Variants in CAMKK2 observed in about 807,000 individuals in gnomAD.
The protein encoded by CAMKK2 is calcium/calmodulin-dependent protein kinase kinase 2.
Under a neutral mutation model 67.2 loss-of-function variants are expected in CAMKK2, and 30 were observed. The ratio of observed to expected loss-of-function variants is 0.45; its 90% CI spans 0.33 to 0.61. The LOEUF (loss-of-function observed/expected upper bound fraction) is 0.61. Among genes scored for constraint, CAMKK2 ranks in the 20% least tolerant of loss-of-function variants. The probability of loss-of-function intolerance (pLI) is 0.02; values close to 1 mark genes in which losing one functional copy is unlikely to be tolerated. For synonymous variants in CAMKK2, 322 were observed against 326.2 expected, an observed-to-expected ratio of 0.99 and a Z score of 0.14; for missense variants, 643 against 802.0, an observed-to-expected ratio of 0.80 and a Z score of 2.39.
At chr12:121,250,183 C>T (rs1206193747) in intron 11 of CAMKK2, 149 bp from the exon 12 acceptor site, 8 of 680,240 alleles carry the variant, frequency 1.2e-5, no homozygotes, top group South Asian at 8.5e-5. Context: ...CCATTCTCCC[C>T]GAGAATGGCC....
chr12:121,294,604 C>T (rs1390800891), intron 1 of CAMKK2, among the ~76,000 whole-genome samples: 1 of 152,154 alleles, frequency 6.6e-6, no homozygotes, highest in Non-Finnish European at 1.5e-5. Context: ...TGAACAGGTG[C>T]ACAAAGGTTC....
chr12:121,249,513 G>C (rs990741721), intron 13 of CAMKK2, among the ~76,000 whole-genome samples: 3 of 152,036 alleles, frequency 2.0e-5, no homozygotes, highest in Non-Finnish European at 4.4e-5. Flanking sequence ...GCCCCATGCC[G>C]GTCTGCAGAG....
At chr12:121,269,823 C>A in intron 3 of CAMKK2, 2 of 416,134 alleles carry the variant, frequency 4.8e-6, no homozygotes, top group Admixed American at 3.6e-5. Context: ...CCGAGGCAGG[C>A]GGATCACTTG....
At chr12:121,271,051 G>A (rs1016337771) in intron 2 of CAMKK2, 106 bp from the exon 3 acceptor site, 7 of 819,210 alleles carry the variant, frequency 8.5e-6, no homozygotes, top group Non-Finnish European at 1.5e-5. Flanking sequence ...AAGGTGGGAG[G>A]ATCACTTGAG....
At chr12:121,248,037 G>C (rs1408544532) in intron 14 of CAMKK2, among the ~76,000 whole-genome samples, 4 of 152,194 alleles carry the variant, frequency 2.6e-5, no homozygotes. Context: ...GATTCCCAGA[G>C]CCTCCAAGGT....
chr12:121,257,231 C>T (rs747429085), intron 7 of CAMKK2, among the ~76,000 whole-genome samples: 3 of 150,898 alleles, frequency 2.0e-5, no homozygotes, highest in Non-Finnish European at 2.9e-5. Flanking sequence ...TACCATGTAC[C>T]CACAAAAATT....
At chr12:121,288,376 C>T (rs1899219993) in intron 1 of CAMKK2, among the ~76,000 whole-genome samples, 1 of 152,156 alleles carries the variant, frequency 6.6e-6, no homozygotes, top group African/African-American at 2.4e-5. Context: ...AGCTGCAAGC[C>T]TCCTCAGCTG....
chr12:121,296,000 A>G (rs1901085950), intron 1 of CAMKK2, among the ~76,000 whole-genome samples: 1 of 152,172 alleles, frequency 6.6e-6, no homozygotes, highest in African/African-American at 2.4e-5. Flanking sequence ...CATTCACAGC[A>G]TACTGCAACC....
Position 121,240,678 on chromosome 12 carries a change from G to T in CAMKK2, c.*21C>A. 6.3e-7 allele frequency: 1 copy of T among 1,576,240 alleles called. No individual in the cohort carries two copies. ...CCCAGAGGCGACGCGGCGCGCATGCGAGGTCGAGCGATCCAGGCAGCTACT... is the reference window on the plus strand; with the variant it reads ...CCCAGAGGCGACGCGGCGCGCATGCTAGGTCGAGCGATCCAGGCAGCTACT... On this transcript the variant is annotated 3_prime_UTR_variant, in exon 17 of 17. Transcript: ENST00000404169. This position sits in a 1 kb window ranked among gnomAD's most constrained non-coding sequence, Gnocchi z 4.4.
Position 121,240,476 on chromosome 12 carries a change from G to A in CAMKK2, c.*223C>T, listed in dbSNP as rs779102935. ...TTTGGGTCTGCAACTCCTCACACCC[G>A]CCTGTCCAGCCAGCCAGCGGCCACG... On this transcript the variant is annotated 3_prime_UTR_variant, in exon 17 of 17. Coordinates refer to ENST00000404169, the MANE Select transcript of CAMKK2 (RefSeq NM_001270485.2). This position sits in a 1 kb window ranked among gnomAD's most constrained non-coding sequence, Gnocchi z 4.4. 3.9e-6 allele frequency: 6 copies of A among 1,534,972 alleles called. No individual in the cohort carries two copies. The highest frequency in any genetic ancestry group is 1.4e-5 in the African/African-American group (1 of 72,662).
At chr12:121,261,427 A>C (rs961740253) in intron 6 of CAMKK2, among the ~76,000 whole-genome samples, 4 of 152,124 alleles carry the variant, frequency 2.6e-5, no homozygotes, top group Non-Finnish European at 5.9e-5. Context: ...TGCAACTGCT[A>C]TCTCTCTTCT....
chr12:121,265,327 G>C (rs139105100), intron 5 of CAMKK2, among the ~76,000 whole-genome samples: 22 of 151,616 alleles, frequency 1.5e-4, no homozygotes, highest in Admixed American at 5.9e-4. Context: ...GGGGAGGTGG[G>C]AGACACGCGT....
chr12:121,281,227 A>C (rs911713670), intron 1 of CAMKK2, among the ~76,000 whole-genome samples: 2 of 152,278 alleles, frequency 1.3e-5, no homozygotes, highest in African/African-American at 2.4e-5. Context: ...CAGGAAACAC[A>C]TTCTCATTTC....
Position 121,268,618 on chromosome 12 carries a change from C to G in CAMKK2, c.625+20G>C. 6.2e-7 allele frequency: 1 copy of G among 1,613,552 alleles called. No homozygotes were observed. Among genetic ancestry groups the G allele is most frequent in the Non-Finnish European group, 8.5e-7 (1 of 1,179,512 alleles). ...TTGTCCCAGCCCCTGTACCTAACAA[C>G]AAAGGCCCGCCAAACTCACGTGGAA... is the stretch of plus-strand genomic sequence containing the variant. On this transcript the variant is annotated intron_variant, in intron 5 of 16. Transcript: ENST00000404169.
At chr12:121,250,299 G>A (rs1339804730) in intron 11 of CAMKK2, among the ~76,000 whole-genome samples, 1 of 152,150 alleles carries the variant, frequency 6.6e-6, no homozygotes, top group Non-Finnish European at 1.5e-5. Context: ...CTCTGTAGCT[G>A]GGCCTCAGTT....
intron 13 of CAMKK2, among the ~76,000 whole-genome samples, chr12:121,249,164 G>C (rs1277808668): frequency 6.6e-6 from 1 of 152,204 alleles, no homozygotes; most frequent in Non-Finnish European, 1.5e-5. Context: ...GATCAGGAGA[G>C]GACCCAGGCA....
chr12:121,282,380 A>C (rs1028582693), intron 1 of CAMKK2, among the ~76,000 whole-genome samples: 7 of 152,108 alleles, frequency 4.6e-5, no homozygotes, highest in African/African-American at 1.7e-4. Flanking sequence ...TGTCCCCCAA[A>C]AATGTTATGT....
chr12:121,274,500 G>T lies in CAMKK2; in HGVS notation c.27C>A (p.Pro9=). 1 of 1,612,034 alleles carries T rather than the reference G, an allele frequency of 6.2e-7. No homozygotes were observed. MSSCVSSQ[P]SSNRAAPQDE... Reference sequence around the variant, plus strand: ...CCTGGGGGGCGGCCCGGTTGCTGCTGGGCTGGCTAGAGACACATGATGACA... The same window carrying T: ...CCTGGGGGGCGGCCCGGTTGCTGCTTGGCTGGCTAGAGACACATGATGACA... The change falls in exon 2 of 17, where the codon CCC becomes CCA. Residue 9 remains proline (P), a synonymous_variant. Transcript: ENST00000404169.
intron 11 of CAMKK2, among the ~76,000 whole-genome samples, chr12:121,250,449 C>CGCCCT (rs1363122227): frequency 6.6e-6 from 1 of 152,160 alleles, no homozygotes; most frequent in African/African-American, 2.4e-5. Context: ...GATCGCGCCA[C>CGCCCT]GCCCTGCCCT....
Sources: allele counts gnomAD v4.1 joint callset (sites outside exome capture counted in the v4.1 genomes callset), GRCh38; gene constraint gnomAD v4.1.1; non-coding constraint Gnocchi (gnomAD v3.1); transcripts MANE v1.5; gene names NCBI Gene and HGNC (gene_info 2026-07-23, HGNC 2026-07-21).